TRIP4: variants seen among roughly 807,000 people sequenced by gnomAD.
TRIP4 encodes the protein thyroid hormone receptor interactor 4.
TRIP4 carries 54 observed loss-of-function variants against 81.8 expected under a neutral mutation model. That is an observed-to-expected ratio of 0.66 (90% CI 0.53 to 0.83). The LOEUF is 0.83. Among genes scored for constraint, TRIP4 ranks in the 40% least tolerant of loss-of-function variants. The probability of loss-of-function intolerance (pLI) is 0.00; values close to 1 mark genes in which losing one functional copy is unlikely to be tolerated. For missense variants in TRIP4, 662 were observed against 683.6 expected (o/e 0.97, Z 0.35); for synonymous variants, 270 against 242.8 (o/e 1.11, Z -1.04).
chr15:64,450,701 G>A, intron 12 of TRIP4: 1 of 456,016 alleles, frequency 2.2e-6, no homozygotes, highest in South Asian at 1.5e-5. Flanking sequence ...GAATTCCTGG[G>A]AATATCCTGG....
rs114770804 is a variant in TRIP4, at chr15:64,420,507, A to G, written c.1358+1779A>G. On this transcript the variant is annotated intron_variant, in intron 9 of 12. Coordinates refer to ENST00000261884, the MANE Select transcript of TRIP4 (RefSeq NM_016213.5). ...TTCTTCTTTCACTTATCATTACAAC[A>G]TATGTCTTTTGCTTCTTATTTCTTT... 2.5e-3 allele frequency among the ~76,000 whole-genome samples: 370 copies of G among 148,460 alleles called. 2 individuals carry two copies. Among genetic ancestry groups the G allele is most frequent in the African/African-American group, 8.7e-3 (355 of 40,976 alleles).
At chr15:64,396,626 G>A (rs1387855663) in intron 3 of TRIP4, among the ~76,000 whole-genome samples, 3 of 152,116 alleles carry the variant, frequency 2.0e-5, no homozygotes, top group Non-Finnish European at 2.9e-5. Flanking sequence ...ACTCTGGGCA[G>A]CTATACTTTC....
At chr15:64,419,940 C>T (rs576890252) in intron 9 of TRIP4, among the ~76,000 whole-genome samples, 115 of 151,024 alleles carry the variant, frequency 7.6e-4, no homozygotes, top group Non-Finnish European at 1.5e-3. Context: ...CTCAGCCTCC[C>T]GAGTAGCTGG....
chr15:64,389,260 T>C (rs1900045086), intron 1 of TRIP4, among the ~76,000 whole-genome samples: 1 of 152,152 alleles, frequency 6.6e-6, no homozygotes, highest in Admixed American at 6.5e-5. Context: ...AGGGCTTTTG[T>C]AGGAAGTAAG....
chr15:64,431,667 C>T (rs1396784345), intron 11 of TRIP4, among the ~76,000 whole-genome samples: 2 of 151,070 alleles, frequency 1.3e-5, no homozygotes, highest in Non-Finnish European at 2.9e-5. Flanking sequence ...GATTGCACCA[C>T]TGCACTCCAG....
In TRIP4 at chr15:64,400,473, CT is replaced by C. The variant is rs34275640; in HGVS notation, c.619-254del. 0.79 allele frequency among the ~76,000 whole-genome samples: 99,163 copies of C among 125,632 alleles called. 40,466 individuals are homozygous for C. Among genetic ancestry groups the C allele is most frequent in the East Asian group, 0.93 (3,769 of 4,054 alleles). 82.4% of individuals were successfully genotyped at this position (125,632 alleles called of 152,430 possible). On this transcript the variant is annotated intron_variant, in intron 4 of 12. Coordinates refer to ENST00000261884, the MANE Select transcript of TRIP4 (RefSeq NM_016213.5). ...ACAGTCATAAGCCACTGTGCCCAGC[CT>C]TTTTTTTTTTTTTTTCTAAACCATT... is the stretch of plus-strand genomic sequence containing the variant.
chr15:64,440,459 CT>C (rs11416239), intron 11 of TRIP4, among the ~76,000 whole-genome samples: 10 of 144,844 alleles, frequency 6.9e-5, no homozygotes, highest in Admixed American at 1.4e-4. Context: ...TTGTGGTTGT[CT>C]TTTTTTTTTT....
rs370595309 is a variant in TRIP4 at position 64,425,557 on chromosome 15, G to T, written c.1501G>T (p.Asp501Tyr). Residue 501 changes from aspartate (D) to tyrosine (Y), a missense_variant, in exon 11 of 13, where the codon GAC becomes TAC. Coordinates refer to ENST00000261884, the MANE Select transcript of TRIP4 (RefSeq NM_016213.5). The stretch of plus-strand genomic sequence containing the variant: ...TGATTCAGATGTGGAATTTCCTAAT[G>T]ACTATCCGTCAGGTTGTCTTCTGGG... ...LRGKDVEFPN[D>Y]YPSGCLLGCV... 3.1e-6 allele frequency: 5 copies of T among 1,609,890 alleles called. No individual in the cohort carries two copies. The highest frequency in any genetic ancestry group is 1.3e-5 in the African/African-American group (1 of 74,680).
At chr15:64,427,114 T>C (rs1482522235) in intron 11 of TRIP4, among the ~76,000 whole-genome samples, 1 of 152,218 alleles carries the variant, frequency 6.6e-6, no homozygotes, top group Non-Finnish European at 1.5e-5. Flanking sequence ...AAGACCTTTA[T>C]GTTTAGACAC....
chr15:64,416,443 C>G (rs1190027894), intron 8 of TRIP4, among the ~76,000 whole-genome samples: 1 of 152,062 alleles, frequency 6.6e-6, no homozygotes, highest in East Asian at 1.9e-4. Context: ...TTATTTCCAG[C>G]CAGGTGTGGT....
chr15:64,415,801 A>G (rs1477044732), intron 8 of TRIP4, among the ~76,000 whole-genome samples: 1 of 152,218 alleles, frequency 6.6e-6, no homozygotes, highest in Admixed American at 6.5e-5. Context: ...TACAGTAAGC[A>G]ACACCTGATC....
rs769442194 is a variant in TRIP4 at position 64,397,744 on chromosome 15, A to C, written c.544A>C (p.Asn182His). 1.9e-6 allele frequency: 3 copies of C among 1,614,244 alleles called. No homozygotes were observed. The highest frequency in any genetic ancestry group is 2.5e-6 in the Non-Finnish European group (3 of 1,180,044). Residue 182 changes from asparagine to histidine, a missense_variant, in exon 4 of 13, where the codon AAT becomes CAT. Transcript: ENST00000261884. ...CCTGGGCCAGAAGCACAAGCTCATCAATAACTGTCTGATCTGTGGGCGCAT... is the reference window on the plus strand; with the variant it reads ...CCTGGGCCAGAAGCACAAGCTCATCCATAACTGTCTGATCTGTGGGCGCAT... ...DCLGQKHKLINNCLICGRIVC... is the reference protein window; with the variant it reads ...DCLGQKHKLIHNCLICGRIVC...
intron 12 of TRIP4, among the ~76,000 whole-genome samples, chr15:64,447,179 C>T (rs1481485633): frequency 3.9e-5 from 6 of 152,160 alleles, no homozygotes; most frequent in Non-Finnish European, 7.4e-5. Flanking sequence ...TGCCTAACAT[C>T]CTTGGAAAAG....
At chr15:64,431,938 G>A (rs1185518035) in intron 11 of TRIP4, among the ~76,000 whole-genome samples, 1 of 125,434 alleles carries the variant, frequency 8.0e-6, no homozygotes, top group African/African-American at 2.9e-5. Flanking sequence ...GGGTGGTGGA[G>A]TGCAGTGGAG....
chr15:64,418,549 C>T lies in TRIP4; in HGVS notation c.1179C>T (p.Asp393=). The T allele has an allele frequency of 1.2e-6, 2 of 1,611,830 alleles. No homozygotes were observed. Among genetic ancestry groups the T allele is most frequent in the Non-Finnish European group, 1.7e-6 (2 of 1,179,578 alleles). ...TTTGTTTTTCTGTGTAGTGGGTTGA[C>T]CACACAGGTGCAGCCTCACAGAAGA... is the stretch of plus-strand genomic sequence containing the variant. ...NMYQSPPQWV[D]HTGAASQKKA... is the part of the protein sequence containing the mutation. Residue 393 remains aspartate (D), a synonymous_variant, in exon 9 of 13, where the codon GAC becomes GAT. Coordinates refer to ENST00000261884, the MANE Select transcript of TRIP4 (RefSeq NM_016213.5).
chr15:64,450,954 A>G, intron 12 of TRIP4: 1 of 227,320 alleles, frequency 4.4e-6, no homozygotes, highest in Non-Finnish European at 9.3e-6. Context: ...TTTTTTTCTT[A>G]TGAAGAATCT....
intron 11 of TRIP4, among the ~76,000 whole-genome samples, chr15:64,442,743 T>G (rs1387189054): frequency 2.0e-5 from 3 of 151,624 alleles, no homozygotes; most frequent in Non-Finnish European, 4.4e-5. Flanking sequence ...ATCCCAGCAC[T>G]TTGGGAGGCT....
intron 12 of TRIP4, among the ~76,000 whole-genome samples, chr15:64,448,404 A>T (rs141664619): frequency 1.2e-3 from 182 of 152,166 alleles, no homozygotes; most frequent in African/African-American, 4.2e-3. Flanking sequence ...TCTTTTTCGT[A>T]TTGTTTCTGT....
chr15:64,414,710 G>A (rs1261244693), intron 8 of TRIP4, among the ~76,000 whole-genome samples: 1 of 151,228 alleles, frequency 6.6e-6, no homozygotes, highest in South Asian at 2.1e-4. Flanking sequence ...ATAGAGACAG[G>A]GTTTCACCGT....
Sources: allele counts gnomAD v4.1 joint callset (sites outside exome capture counted in the v4.1 genomes callset), GRCh38; gene constraint gnomAD v4.1.1; transcripts MANE v1.5; gene names NCBI Gene and HGNC (gene_info 2026-07-23, HGNC 2026-07-21).